The following TMEM87A variants were observed in gnomAD, a reference collection of about 807,000 sequenced individuals.
The protein encoded by TMEM87A is transmembrane protein 87A.
A neutral mutation model predicts 90.0 loss-of-function variants in TMEM87A; 50 were observed. The ratio of observed to expected loss-of-function variants is 0.56; its 90% CI spans 0.44 to 0.70. The LOEUF (loss-of-function observed/expected upper bound fraction) is 0.70. Among genes scored for constraint, TMEM87A ranks in the 30% least tolerant of loss-of-function variants. The pLI, the probability that TMEM87A is intolerant of heterozygous loss-of-function variation, is 0.00. For missense variants in TMEM87A, 577 were observed against 660.5 expected (o/e 0.87, Z 1.39); for synonymous variants, 226 against 226.7 (o/e 1.00, Z 0.03).
chr15:42,263,345 T>G (rs1037508061), intron 4 of TMEM87A, among the ~76,000 whole-genome samples: 1 of 152,220 alleles, frequency 6.6e-6, no homozygotes, highest in Admixed American at 6.5e-5. Flanking sequence ...GTATCTAGAA[T>G]AGTCAAATTC....
chr15:42,233,456 C>A (rs1367247095), intron 10 of TMEM87A, 150 bp from the exon 11 acceptor site: 1 of 593,672 alleles, frequency 1.7e-6, no homozygotes, highest in Non-Finnish European at 3.0e-6. Context: ...AAAACTAAGA[C>A]CTTATGGTCT....
At chr15:42,266,823 T>C (rs1212548246) in intron 3 of TMEM87A, among the ~76,000 whole-genome samples, 1 of 152,214 alleles carries the variant, frequency 6.6e-6, no homozygotes, top group Non-Finnish European at 1.5e-5. Context: ...CAATAAATTA[T>C]TGTCTTGAGA....
chr15:42,264,699 A>ATATATATATATATATATATATTT (rs10681614), intron 3 of TMEM87A, among the ~76,000 whole-genome samples: 8 of 109,436 alleles, frequency 7.3e-5, no homozygotes, highest in African/African-American at 1.8e-4. Flanking sequence ...ATATATATAT[A>ATATATATATATATATATATATTT]TTTTTTTTTT....
intron 8 of TMEM87A, among the ~76,000 whole-genome samples, chr15:42,238,005 ATGTGTGTG>A (rs200237374): frequency 1.1e-3 from 14 of 12,206 alleles, no homozygotes; most frequent in Non-Finnish European, 7.8e-3. Context: ...ATATATATAT[ATGTGTGTG>A]TGTGTGTGTG....
chr15:42,257,826 T>C lies in TMEM87A; in HGVS notation c.504+3132A>G, dbSNP rs78312201. The C allele has an allele frequency of 2.3e-3, 1,706 of 729,454 alleles. 137 individuals carry two copies. The East Asian group carries it at 0.17, about 71-fold the overall frequency. The allele number at this position is 729,454 out of a possible 1,614,324, so 45.2% of individuals were successfully genotyped here. A position where few individuals can be genotyped will look rare whatever the true frequency, so the allele number is the denominator to read the frequency against. On this transcript the variant is annotated intron_variant, in intron 6 of 19. Transcript: ENST00000389834. ...CATAAAAAGGTGAAGTAGTATTCAATGTACCAATTTGGTAATAAAAAGAAA... is the reference window on the plus strand; with the variant it reads ...CATAAAAAGGTGAAGTAGTATTCAACGTACCAATTTGGTAATAAAAAGAAA...
chr15:42,221,809 G>GGTA (rs1293084449), intron 15 of TMEM87A, among the ~76,000 whole-genome samples: 2 of 152,150 alleles, frequency 1.3e-5, no homozygotes, highest in African/African-American at 4.8e-5. Flanking sequence ...GCAGTGCAGT[G>GGTA]GTATGACCAC....
intron 10 of TMEM87A, 132 bp from the exon 11 acceptor site, chr15:42,233,438 AAG>A: frequency 1.6e-6 from 1 of 635,024 alleles, no homozygotes; most frequent in Non-Finnish European, 2.7e-6. Flanking sequence ...TGATTCACCT[AAG>A]AGAAAAAAAC....
chr15:42,264,699 A>ATATATATATATATT (rs10681614), intron 3 of TMEM87A, among the ~76,000 whole-genome samples: 123 of 109,432 alleles, frequency 1.1e-3, no homozygotes, highest in Non-Finnish European at 1.9e-3. Flanking sequence ...ATATATATAT[A>ATATATATATATATT]TTTTTTTTTT....
chr15:42,255,451 G>A (rs1172037561), intron 6 of TMEM87A, among the ~76,000 whole-genome samples: 1 of 151,810 alleles, frequency 6.6e-6, no homozygotes, highest in Non-Finnish European at 1.5e-5. Context: ...TTTTTGTAGA[G>A]ATAGTGTCTC....
chr15:42,261,635 T>TTC (rs1199388864), intron 4 of TMEM87A, among the ~76,000 whole-genome samples: 2 of 27,716 alleles, frequency 7.2e-5, no homozygotes, highest in Non-Finnish European at 2.6e-4. Flanking sequence ...AAACCTAATA[T>TTC]TCTTTTTTTT....
intron 9 of TMEM87A, 85 bp downstream of exon 9, chr15:42,237,347 A>G: frequency 1.5e-6 from 2 of 1,332,742 alleles, no homozygotes; most frequent in Admixed American, 4.0e-5. Flanking sequence ...AGTTAAGCCT[A>G]TGTAGTGACT....
Position 42,211,712 on chromosome 15 carries a change from T to A in TMEM87A, c.1664A>T (p.Glu555Val). ...MITHFERSKM[E>V] ...AACTGCAAATCTTCCCATTCCTTACTCCATTTTGGACCTTTCAAAGTGTGT... is the reference window on the plus strand; with the variant it reads ...AACTGCAAATCTTCCCATTCCTTACACCATTTTGGACCTTTCAAAGTGTGT... Residue 555 changes from glutamate to valine, a missense_variant, in exon 20 of 20, where the codon GAG becomes GTG. Coordinates refer to ENST00000389834, the MANE Select transcript of TMEM87A (RefSeq NM_015497.5). 6.2e-7 allele frequency: 1 copy of A among 1,612,312 alleles called. No individual in the cohort carries two copies. Among genetic ancestry groups the A allele is most frequent in the African/African-American group, 1.3e-5 (1 of 74,670 alleles).
Position 42,226,837 on chromosome 15 carries a change from C to T in TMEM87A, c.1372G>A (p.Val458Ile). 6.2e-7 allele frequency: 1 copy of T among 1,614,114 alleles called. No homozygotes were observed. The highest frequency in any genetic ancestry group is 1.1e-5 in the South Asian group (1 of 91,072). Residue 458 changes from valine (V) to isoleucine (I), a missense_variant, in exon 15 of 20, where the codon GTT becomes ATT. Coordinates refer to ENST00000389834, the MANE Select transcript of TMEM87A (RefSeq NM_015497.5). ...LFSMILFVIM[V>I]LWRPSANNQR... ...TTGTTTGCAGATGGTCGCCAGAGAA[C>T]CATGATGACAAAGAGGATCATGGAG...
intron 18 of TMEM87A, 96 bp from the exon 19 acceptor site, chr15:42,217,929 A>C: frequency 8.1e-7 from 1 of 1,228,808 alleles, no homozygotes; most frequent in Non-Finnish European, 1.1e-6. Context: ...AAGCTTTATA[A>C]TTATCTAAGA....
intron 2 of TMEM87A, among the ~76,000 whole-genome samples, chr15:42,269,622 G>C (rs542578690): frequency 1.3e-5 from 2 of 152,292 alleles, no homozygotes; most frequent in South Asian, 4.1e-4. Flanking sequence ...ACAATATTTA[G>C]AACTTTAAAT....
intron 6 of TMEM87A, among the ~76,000 whole-genome samples, chr15:42,252,340 G>A (rs1428252808): frequency 6.6e-6 from 1 of 152,186 alleles, no homozygotes; most frequent in African/African-American, 2.4e-5. Context: ...GATCACGCTG[G>A]GAGCTGTAGA....
chr15:42,255,296 G>A (rs1227675952), intron 6 of TMEM87A, among the ~76,000 whole-genome samples: 1 of 152,106 alleles, frequency 6.6e-6, no homozygotes, highest in African/African-American at 2.4e-5. Context: ...ACCATGCGCA[G>A]CTAATTTTAT....
intron 6 of TMEM87A, chr15:42,258,720 C>G: frequency 7.4e-7 from 1 of 1,355,068 alleles, no homozygotes; most frequent in Non-Finnish European, 9.5e-7. Context: ...AGCCACTGTA[C>G]CCAGTCCTAA....
intron 10 of TMEM87A, among the ~76,000 whole-genome samples, chr15:42,233,906 G>A (rs1403666641): frequency 6.6e-6 from 1 of 150,912 alleles, no homozygotes; most frequent in African/African-American, 2.4e-5. Flanking sequence ...AGTAGCTGAG[G>A]ACTACAGGCA....
Sources: allele counts gnomAD v4.1 joint callset (sites outside exome capture counted in the v4.1 genomes callset), GRCh38; gene constraint gnomAD v4.1.1; transcripts MANE v1.5; gene names NCBI Gene and HGNC (gene_info 2026-07-23, HGNC 2026-07-21).